The following BMPR1B variants were observed in gnomAD, a reference collection of about 807,000 sequenced individuals.
BMPR1B encodes the protein bone morphogenetic protein receptor type 1B, also known as bone morphogenetic protein receptor type-1B.
BMPR1B carries 12 observed loss-of-function variants against 59.1 expected under a neutral mutation model. That is an observed-to-expected ratio of 0.20 (90% CI 0.13 to 0.33). The LOEUF is 0.33. Among genes scored for constraint, BMPR1B ranks in the 10% least tolerant of loss-of-function variants. The probability of loss-of-function intolerance (pLI) is 1.00; values close to 1 mark genes in which losing one functional copy is unlikely to be tolerated. For synonymous variants in BMPR1B, 237 were observed against 207.3 expected, an observed-to-expected ratio of 1.14 and a Z score of -1.23; for missense variants, 550 against 610.9, an observed-to-expected ratio of 0.90 and a Z score of 1.05.
intron 1 of BMPR1B, among the ~76,000 whole-genome samples, chr4:94,812,381 G>GACA: frequency 1.3e-5 from 2 of 152,326 alleles, no homozygotes; most frequent in East Asian, 3.9e-4. Context: ...AACAGCATGA[G>GACA]TAGAGCAGTG....
intron 2 of BMPR1B, among the ~76,000 whole-genome samples, chr4:94,970,536 C>T (rs1195943914): frequency 6.6e-6 from 1 of 152,130 alleles, no homozygotes; most frequent in African/African-American, 2.4e-5. Flanking sequence ...TGGTCAAGAA[C>T]TCCTGACCTC....
At chr4:95,098,037 A>G (rs903991832) in intron 3 of BMPR1B, among the ~76,000 whole-genome samples, 7 of 152,174 alleles carry the variant, frequency 4.6e-5, no homozygotes, top group Non-Finnish European at 8.8e-5. Flanking sequence ...AACTAAATGT[A>G]TCTTTTATCT....
chr4:94,911,411 G>T (rs73836195), intron 2 of BMPR1B, among the ~76,000 whole-genome samples: 1 of 152,006 alleles, frequency 6.6e-6, no homozygotes, highest in African/African-American at 2.4e-5. Flanking sequence ...AGGAACAGAG[G>T]GGAAGAAAGC....
At chr4:94,795,003 C>A (rs879533797) in intron 1 of BMPR1B, among the ~76,000 whole-genome samples, 1 of 143,532 alleles carries the variant, frequency 7.0e-6, no homozygotes, top group Non-Finnish European at 1.5e-5. Flanking sequence ...TAATTGAATA[C>A]CCTTTATTTC....
intron 2 of BMPR1B, among the ~76,000 whole-genome samples, chr4:94,897,935 C>CT (rs1235655118): frequency 1.6e-5 from 2 of 122,344 alleles, no homozygotes; most frequent in South Asian, 2.5e-4. Flanking sequence ...CTGACAAATT[C>CT]TTTTCCTTTT....
intron 1 of BMPR1B, among the ~76,000 whole-genome samples, chr4:94,810,975 A>T (rs1402003292): frequency 5.3e-5 from 8 of 152,196 alleles, no homozygotes. Flanking sequence ...GTTATAAGTT[A>T]CGACGTTTAT....
At chr4:94,987,727 G>A (rs1339480134) in intron 2 of BMPR1B, among the ~76,000 whole-genome samples, 1 of 151,818 alleles carries the variant, frequency 6.6e-6, no homozygotes, top group Non-Finnish European at 1.5e-5. Context: ...TTAAGATTCC[G>A]GTTGCACTGC....
intron 1 of BMPR1B, among the ~76,000 whole-genome samples, chr4:94,869,095 AACACAC>A (rs59407857): frequency 0.16 from 23,048 of 144,384 alleles, 1,765 homozygotes; most frequent in Non-Finnish European, 0.18. Context: ...TTTACTATCA[AACACAC>A]ACACACACAC....
At chr4:95,006,055 G>A (rs112970960) in intron 3 of BMPR1B, among the ~76,000 whole-genome samples, 107 of 152,226 alleles carry the variant, frequency 7.0e-4, no homozygotes, top group African/African-American at 2.4e-3. Context: ...GGCGGATCAC[G>A]AAGTCAGGAG....
chr4:94,895,703 A>G (rs1727559136), intron 2 of BMPR1B, among the ~76,000 whole-genome samples: 1 of 151,748 alleles, frequency 6.6e-6, no homozygotes, highest in South Asian at 2.1e-4. Context: ...TATATAGCAT[A>G]TAATTATTAA....
At chr4:95,080,640 G>A (rs1338994446) in intron 3 of BMPR1B, among the ~76,000 whole-genome samples, 1 of 152,244 alleles carries the variant, frequency 6.6e-6, no homozygotes, top group East Asian at 1.9e-4. Flanking sequence ...ATATTAACAT[G>A]TTTTACTGAC....
At chr4:94,842,849 G>A (rs1330881763) in intron 1 of BMPR1B, among the ~76,000 whole-genome samples, 4 of 148,612 alleles carry the variant, frequency 2.7e-5, no homozygotes, top group African/African-American at 7.5e-5. Context: ...ATGCCTCACA[G>A]TACTGTTTAT....
chr4:94,789,888 CT>C (rs1722909720), intron 1 of BMPR1B, among the ~76,000 whole-genome samples: 1 of 152,258 alleles, frequency 6.6e-6, no homozygotes, highest in East Asian at 1.9e-4. Context: ...TCTGTCACCC[CT>C]GAGACAGCAA....
intron 2 of BMPR1B, among the ~76,000 whole-genome samples, chr4:94,995,176 G>C (rs1022656651): frequency 1.3e-5 from 2 of 152,120 alleles, no homozygotes; most frequent in Non-Finnish European, 2.9e-5. Flanking sequence ...ACCATGTACT[G>C]TAGTGTCATG....
chr4:95,030,043 A>C (rs1197951710), intron 3 of BMPR1B, among the ~76,000 whole-genome samples: 1 of 151,382 alleles, frequency 6.6e-6, no homozygotes, highest in Non-Finnish European at 1.5e-5. Flanking sequence ...TAGGTTGCAA[A>C]AATTTTCTCC....
chr4:94,853,984 T>G (rs1018177642), intron 1 of BMPR1B, among the ~76,000 whole-genome samples: 13 of 152,182 alleles, frequency 8.5e-5, no homozygotes, highest in African/African-American at 3.1e-4. Context: ...AGGATGGTGA[T>G]CAGAGTACTT....
chr4:95,054,109 A>G (rs191977139), intron 3 of BMPR1B, among the ~76,000 whole-genome samples: 203 of 152,324 alleles, frequency 1.3e-3, no homozygotes, highest in African/African-American at 4.5e-3. Flanking sequence ...TGACGACTTG[A>G]GACATTTGGA....
At chr4:94,818,066 C>G (rs1011993180) in intron 1 of BMPR1B, among the ~76,000 whole-genome samples, 9 of 152,088 alleles carry the variant, frequency 5.9e-5, no homozygotes, top group African/African-American at 2.2e-4. Context: ...CATTGTTAAC[C>G]CAGGTTTGAG....
At chr4:95,025,174 A>G (rs1158783006) in intron 3 of BMPR1B, among the ~76,000 whole-genome samples, 1 of 152,168 alleles carries the variant, frequency 6.6e-6, no homozygotes, top group Non-Finnish European at 1.5e-5. Flanking sequence ...AGTGATAGAA[A>G]GAAAACCAGC....
Sources: gnomAD v4.1 joint callset for allele counts (sites outside exome capture counted in the v4.1 genomes callset) on GRCh38, gnomAD v4.1.1 for gene constraint, MANE v1.5 for transcripts, NCBI Gene and HGNC (gene_info 2026-07-23, HGNC 2026-07-21) for gene names.